The following PTPRD variants were observed in gnomAD, a reference collection of about 807,000 sequenced individuals.
PTPRD encodes the protein protein tyrosine phosphatase receptor type D, also known as receptor-type tyrosine-protein phosphatase delta.
In PTPRD, 34 loss-of-function variants were observed where a neutral mutation model predicts 214.5. That is an observed-to-expected ratio of 0.16 (90% CI 0.12 to 0.21). The LOEUF (loss-of-function observed/expected upper bound fraction) is 0.21. Ranked by LOEUF, PTPRD falls within the 10% of genes least tolerant of loss-of-function variation. The pLI is 1.00. For synonymous variants in PTPRD, 1,128 were observed against 845.7 expected (o/e 1.33, Z -5.79); for missense variants, 2,545 against 2,398.7 (o/e 1.06, Z -1.27).
At chr9:10,550,635 C>A (rs781352745) in intron 2 of PTPRD, among the ~76,000 whole-genome samples, 1 of 152,246 alleles carries the variant, frequency 6.6e-6, no homozygotes, top group South Asian at 2.1e-4. Context: ...CTTGGGTGCA[C>A]ACAAACCCAA....
intron 11 of PTPRD, among the ~76,000 whole-genome samples, chr9:8,766,334 A>C (rs545243020): frequency 6.6e-6 from 1 of 152,052 alleles, no homozygotes; most frequent in African/African-American, 2.4e-5. Context: ...CAGTGTATCT[A>C]AAGTGTCCCA....
intron 11 of PTPRD, among the ~76,000 whole-genome samples, chr9:8,740,279 T>C: frequency 6.6e-6 from 1 of 152,120 alleles, no homozygotes; most frequent in Non-Finnish European, 1.5e-5. Flanking sequence ...AAGGAAAAAT[T>C]ATGTTAAAGA....
At chr9:9,956,541 T>G (rs1471690516) in intron 4 of PTPRD, among the ~76,000 whole-genome samples, 1 of 152,158 alleles carries the variant, frequency 6.6e-6, no homozygotes, top group East Asian at 1.9e-4. Context: ...TATTCAAAAT[T>G]AATACAGAAG....
chr9:8,567,789 A>C (rs181999233), intron 14 of PTPRD, among the ~76,000 whole-genome samples: 1 of 152,250 alleles, frequency 6.6e-6, no homozygotes, highest in African/African-American at 2.4e-5. Flanking sequence ...TCTCTCTCTT[A>C]CAAATAACAT....
At chr9:9,556,285 A>T (rs1227228967) in intron 8 of PTPRD, among the ~76,000 whole-genome samples, 2 of 152,326 alleles carry the variant, frequency 1.3e-5, no homozygotes, top group Non-Finnish European at 2.9e-5. Flanking sequence ...TTGTCTTCAC[A>T]CTGAGTAAGT....
chr9:8,425,346 T>C (rs1484884331), intron 35 of PTPRD, among the ~76,000 whole-genome samples: 2 of 152,162 alleles, frequency 1.3e-5, no homozygotes, highest in Non-Finnish European at 2.9e-5. Context: ...ATGACTTTTC[T>C]GAACATTTTT....
chr9:9,632,647 G>C (rs1389610479), intron 7 of PTPRD, among the ~76,000 whole-genome samples: 1 of 151,900 alleles, frequency 6.6e-6, no homozygotes, highest in Non-Finnish European at 1.5e-5. Flanking sequence ...TCAAATGTTG[G>C]TTTGCTTCAT....
intron 10 of PTPRD, among the ~76,000 whole-genome samples, chr9:9,182,889 G>C (rs1300392099): frequency 1.3e-5 from 2 of 151,504 alleles, no homozygotes; most frequent in African/African-American, 2.4e-5. Flanking sequence ...GCTTCCAAAA[G>C]AGCCAAAATA....
At chr9:9,031,414 G>C (rs1183488258) in intron 10 of PTPRD, among the ~76,000 whole-genome samples, 1 of 151,912 alleles carries the variant, frequency 6.6e-6, no homozygotes, top group Admixed American at 6.6e-5. Flanking sequence ...TCGGCTATGC[G>C]GTATAGCCTA....
intron 5 of PTPRD, among the ~76,000 whole-genome samples, chr9:9,792,905 T>G (rs902347524): frequency 6.6e-6 from 1 of 152,146 alleles, no homozygotes; most frequent in Non-Finnish European, 1.5e-5. Flanking sequence ...GGTCTAAATT[T>G]AAGGGGTATT....
At chr9:9,355,815 A>T (rs1354287328) in intron 9 of PTPRD, among the ~76,000 whole-genome samples, 1 of 151,514 alleles carries the variant, frequency 6.6e-6, no homozygotes, top group African/African-American at 2.4e-5. Flanking sequence ...CAATGTTAAT[A>T]GGTCAGAAGG....
At chr9:10,504,895 T>C (rs1310306691) in intron 2 of PTPRD, among the ~76,000 whole-genome samples, 1 of 152,192 alleles carries the variant, frequency 6.6e-6, no homozygotes, top group Non-Finnish European at 1.5e-5. Flanking sequence ...TGTCTGTTAA[T>C]GTTAACAGAG....
intron 10 of PTPRD, among the ~76,000 whole-genome samples, chr9:9,160,062 T>G (rs2099885112): frequency 6.6e-6 from 1 of 151,982 alleles, no homozygotes; most frequent in East Asian, 1.9e-4. Context: ...CAAAATGGAT[T>G]AAAGATTTAA....
At chr9:9,687,685 C>G (rs1475764238) in intron 7 of PTPRD, among the ~76,000 whole-genome samples, 5 of 151,674 alleles carry the variant, frequency 3.3e-5, no homozygotes, top group Non-Finnish European at 7.4e-5. Context: ...AATGCCTTCT[C>G]TATGCCTTCT....
chr9:9,096,710 G>C (rs1450467969), intron 10 of PTPRD, among the ~76,000 whole-genome samples: 2 of 152,072 alleles, frequency 1.3e-5, no homozygotes. Flanking sequence ...CAGTCTAATT[G>C]CCTTTAGAAC....
At chr9:9,193,469 T>G (rs1287805091) in intron 9 of PTPRD, among the ~76,000 whole-genome samples, 1 of 152,160 alleles carries the variant, frequency 6.6e-6, no homozygotes, top group Admixed American at 6.6e-5. Flanking sequence ...GTCAAGCGAT[T>G]TTTCATTGTA....
intron 9 of PTPRD, among the ~76,000 whole-genome samples, chr9:9,237,475 C>T (rs1486535100): frequency 6.6e-6 from 1 of 152,042 alleles, no homozygotes; most frequent in African/African-American, 2.4e-5. Flanking sequence ...ATCTCAAAAA[C>T]TGAGTATTTA....
intron 3 of PTPRD, among the ~76,000 whole-genome samples, chr9:10,142,060 T>G (rs1230687131): frequency 1.3e-5 from 2 of 151,914 alleles, no homozygotes; most frequent in Non-Finnish European, 1.5e-5. Context: ...CTGGGAAAAC[T>G]GGCTAGCCAT....
chr9:8,908,568 C>T lies in PTPRD; in HGVS notation c.-104+110129G>A, dbSNP rs78777463. On this transcript the variant is annotated intron_variant, in intron 11 of 45. Transcript: ENST00000381196. Reference sequence around the variant, plus strand: ...TGAATGAAAATAACAACACAACATACAAAACACTTAGGAGGCAGCTAAAGT... The same window carrying T: ...TGAATGAAAATAACAACACAACATATAAAACACTTAGGAGGCAGCTAAAGT... Among the ~76,000 whole-genome samples the T allele has an allele frequency of 5.5e-4, 83 of 151,930 alleles. No individual in the cohort carries two copies. In the East Asian group the frequency reaches 0.014, roughly 26 times the overall value.
Sources: allele counts gnomAD v4.1 joint callset (sites outside exome capture counted in the v4.1 genomes callset), GRCh38; gene constraint gnomAD v4.1.1; transcripts MANE v1.5; gene names NCBI Gene and HGNC (gene_info 2026-07-23, HGNC 2026-07-21).